The following FKBP1B variants were observed in gnomAD, a reference collection of about 807,000 sequenced individuals.
FKBP1B encodes peptidyl-prolyl cis-trans isomerase FKBP1B.
Under a neutral mutation model 13.5 loss-of-function variants are expected in FKBP1B, and 4 were observed. The observed-to-expected ratio is 0.30, with a 90% CI of 0.15 to 0.68. The LOEUF is 0.68. FKBP1B is among the 30% of genes least tolerant of loss of function. The pLI is 0.76. For missense variants in FKBP1B, 93 were observed against 136.2 expected (o/e 0.68, Z 1.58); for synonymous variants, 54 against 53.6 (o/e 1.01, Z -0.03).
At chr2:24,047,455 G>A (rs564701155), upstream of FKBP1B, 2 of 152,112 alleles carry the variant, frequency 1.3e-5, no homozygotes, top group Non-Finnish European at 2.9e-5. Flanking sequence ...TCGGTCCTCT[G>A]ATAGGTGGGT....
At chr2:24,061,587 A>G (rs1664397708) in intron 3 of FKBP1B, among the ~76,000 whole-genome samples, 1 of 152,240 alleles carries the variant, frequency 6.6e-6, no homozygotes, top group Non-Finnish European at 1.5e-5. Context: ...TCAGAATTAC[A>G]AAAATATTAA....
chr2:24,052,362 T>C (rs1663918042), intron 1 of FKBP1B, among the ~76,000 whole-genome samples: 2 of 152,232 alleles, frequency 1.3e-5, no homozygotes, highest in African/African-American at 4.8e-5. Context: ...AAGCCCTGCA[T>C]GATCCATGTC....
Position 24,062,913 on chromosome 2 carries a change from G to A in FKBP1B, c.199-151G>A, listed in dbSNP as rs1375327574. On this transcript the variant is annotated intron_variant, in intron 3 of 3. Transcript: ENST00000380986. ...CTGCGTTTGTTAAAGCTGTTAGCAC[G>A]ATTTCAATGTATCCCATGTAAAATT... 31 of 1,169,520 alleles carry A rather than the reference G, an allele frequency of 2.7e-5. No homozygotes were observed. In the East Asian group the frequency reaches 6.1e-4, roughly 23 times the overall value. The allele number at this position is 1,169,520 out of a possible 1,614,324, so 72.4% of individuals were successfully genotyped here. A position where few individuals can be genotyped will look rare whatever the true frequency, so the allele number is the denominator to read the frequency against.
chr2:24,043,511 CA>C, the FKBP1B span, among the ~76,000 whole-genome samples: 1 of 151,940 alleles, frequency 6.6e-6, no homozygotes, highest in Admixed American at 6.6e-5. Flanking sequence ...CAAAACAAAA[CA>C]AAAAACCCCC....
chr2:24,049,675 G>A, upstream of FKBP1B: 1 of 423,228 alleles, frequency 2.4e-6, no homozygotes, highest in Non-Finnish European at 4.0e-6. Context: ...GCTCCGCCCC[G>A]CCGCCCCCTT....
At chr2:24,041,155 A>G in the FKBP1B span, among the ~76,000 whole-genome samples, 2 of 151,934 alleles carry the variant, frequency 1.3e-5, no homozygotes, top group African/African-American at 4.8e-5. Flanking sequence ...CCTGGCCAAC[A>G]TGGTGTAACC....
Position 24,052,927 on chromosome 2 carries a change from C to A in FKBP1B, c.38-975C>A, listed in dbSNP as rs886333555. Among the ~76,000 whole-genome samples the A allele has an allele frequency of 1.7e-4, 26 of 151,954 alleles. 1 individual carries two copies. The highest frequency in any genetic ancestry group is 1.4e-3 in the Admixed American group (21 of 15,248). ...GGTCAAGGCTGCACAGAGCCGAGAT[C>A]ATGCTGTTGCACTCCAGCCTGGGTG... On this transcript the variant is annotated intron_variant, in intron 1 of 3. Coordinates refer to ENST00000380986, the MANE Select transcript of FKBP1B (RefSeq NM_004116.5).
At chr2:24,044,534 T>G in the FKBP1B span, among the ~76,000 whole-genome samples, 4 of 152,154 alleles carry the variant, frequency 2.6e-5, no homozygotes, top group African/African-American at 9.7e-5. Flanking sequence ...CCCAAAGTGC[T>G]AGGATTACAG....
upstream of FKBP1B, chr2:24,045,945 T>C (rs574980816): frequency 6.6e-6 from 1 of 151,342 alleles, no homozygotes; most frequent in East Asian, 1.9e-4. Context: ...AAAAGGAAAA[T>C]AAAAAATAAT....
chr2:24,056,190 A>G (rs983250687), intron 2 of FKBP1B, among the ~76,000 whole-genome samples: 8 of 151,724 alleles, frequency 5.3e-5, no homozygotes, highest in East Asian at 1.9e-4. Context: ...GTGTTTCACC[A>G]TATTGGCCAG....
At chr2:24,056,476 T>G (rs1664134108) in intron 2 of FKBP1B, among the ~76,000 whole-genome samples, 1 of 151,948 alleles carries the variant, frequency 6.6e-6, no homozygotes, top group Admixed American at 6.6e-5. Flanking sequence ...CCCAAGTAGC[T>G]GGGATTACAG....
intron 2 of FKBP1B, among the ~76,000 whole-genome samples, chr2:24,059,378 G>GC (rs1273077865): frequency 6.6e-6 from 1 of 151,914 alleles, no homozygotes; most frequent in Non-Finnish European, 1.5e-5. Context: ...CACCTGGGGG[G>GC]GGGTTCTGGT....
At chr2:24,060,606 A>G (rs1356648290) in intron 2 of FKBP1B, among the ~76,000 whole-genome samples, 1 of 152,204 alleles carries the variant, frequency 6.6e-6, no homozygotes, top group Admixed American at 6.5e-5. Flanking sequence ...TGGATTCCAA[A>G]GATATGGAGG....
the FKBP1B span, among the ~76,000 whole-genome samples, chr2:24,041,340 C>CA: frequency 0.13 from 17,040 of 127,052 alleles, 1,137 homozygotes; most frequent in South Asian, 0.21. Flanking sequence ...ACTCTATCTC[C>CA]AAAAAAAAAA....
intron 2 of FKBP1B, among the ~76,000 whole-genome samples, chr2:24,058,129 G>A (rs1664223130): frequency 6.6e-6 from 1 of 151,928 alleles, no homozygotes; most frequent in Non-Finnish European, 1.5e-5. Flanking sequence ...CAACCCAGGA[G>A]GCGGAGGTTG....
the FKBP1B span, among the ~76,000 whole-genome samples, chr2:24,041,340 CAA>C: frequency 6.3e-5 from 8 of 127,318 alleles, no homozygotes; most frequent in Admixed American, 8.2e-5. Context: ...ACTCTATCTC[CAA>C]AAAAAAAAAA....
At chr2:24,059,721 C>T (rs1279566408) in intron 2 of FKBP1B, among the ~76,000 whole-genome samples, 7 of 151,592 alleles carry the variant, frequency 4.6e-5, no homozygotes, top group Non-Finnish European at 1.0e-4. Context: ...TAGCAAAACC[C>T]CATCTCTACT....
In FKBP1B at chr2:24,049,908, C is replaced by CAGGGG. The variant is rs1204194198; in HGVS notation, c.37+33_37+37dup. The CAGGGG allele has an allele frequency of 5.7e-6, 8 of 1,395,592 alleles. No homozygotes were observed. In the South Asian group the frequency reaches 1.1e-4, roughly 19 times the overall value. The allele number at this position is 1,395,592 out of a possible 1,614,324, so 86.5% of individuals were successfully genotyped here. A position where few individuals can be genotyped will look rare whatever the true frequency, so the allele number is the denominator to read the frequency against. ...GACGGTACCGGGCTCCCTCCGGAGC[C>CAGGGG]AGGGGAGGGGAGGGGTCCCGGGGCG... On this transcript the variant is annotated intron_variant, in intron 1 of 3. Coordinates refer to ENST00000380986, the MANE Select transcript of FKBP1B (RefSeq NM_004116.5).
chr2:24,057,134 TC>T (rs1231643785), intron 2 of FKBP1B, among the ~76,000 whole-genome samples: 1 of 152,110 alleles, frequency 6.6e-6, no homozygotes, highest in East Asian at 1.9e-4. Flanking sequence ...GAACAGAAGT[TC>T]TTTTTTTATA....
Sources: allele counts gnomAD v4.1 joint callset (sites outside exome capture counted in the v4.1 genomes callset), GRCh38; gene constraint gnomAD v4.1.1; transcripts MANE v1.5; gene names NCBI Gene and HGNC (gene_info 2026-07-23, HGNC 2026-07-21).